Variants in MARCHF1 observed in about 807,000 individuals in gnomAD.
The protein encoded by MARCHF1 is membrane associated ring-CH-type finger 1, also known as E3 ubiquitin-protein ligase MARCHF1.
In MARCHF1, 40 loss-of-function variants were observed where a neutral mutation model predicts 54.2. That is an observed-to-expected ratio of 0.74 (90% confidence interval 0.57 to 0.96). MARCHF1 has a LOEUF of 0.96. Among genes scored for constraint, MARCHF1 ranks in the 40% least tolerant of loss-of-function variants. The pLI is 0.00. For synonymous variants in MARCHF1, 236 were observed against 236.3 expected, an observed-to-expected ratio of 1.00 and a Z score of 0.01; for missense variants, 586 against 656.5, an observed-to-expected ratio of 0.89 and a Z score of 1.17.
intron 9 of MARCHF1, among the ~76,000 whole-genome samples, chr4:163,535,727 G>T (rs1738506453): frequency 6.7e-6 from 1 of 150,358 alleles, no homozygotes; most frequent in Non-Finnish European, 1.5e-5. Context: ...TATGCAGAGA[G>T]TCCATGCATT....
intron 2 of MARCHF1, among the ~76,000 whole-genome samples, chr4:164,105,088 A>G (rs1301311948): frequency 2.8e-5 from 2 of 72,258 alleles, no homozygotes; most frequent in African/African-American, 8.3e-5. Context: ...AAGGAGAACT[A>G]CAAACCACTG....
chr4:164,066,697 A>G (rs1263595162), intron 2 of MARCHF1, among the ~76,000 whole-genome samples: 1 of 152,206 alleles, frequency 6.6e-6, no homozygotes, highest in African/African-American at 2.4e-5. Flanking sequence ...ATAGAAAAAA[A>G]ATGAGATCAT....
intron 1 of MARCHF1, among the ~76,000 whole-genome samples, chr4:164,301,041 A>C (rs1173022976): frequency 1.3e-5 from 2 of 152,110 alleles, no homozygotes; most frequent in Non-Finnish European, 2.9e-5. Flanking sequence ...AGATCTTCGG[A>C]AAGATGCTAT....
chr4:164,062,103 T>C (rs1397002057), intron 2 of MARCHF1, among the ~76,000 whole-genome samples: 2 of 152,224 alleles, frequency 1.3e-5, no homozygotes. Flanking sequence ...TATTGTTGTT[T>C]CAACAAGGTT....
intron 3 of MARCHF1, among the ~76,000 whole-genome samples, chr4:163,928,274 A>C (rs1455276727): frequency 1.3e-5 from 2 of 151,938 alleles, no homozygotes; most frequent in Non-Finnish European, 2.9e-5. Context: ...AGGGATTAAA[A>C]TAAAACAACA....
chr4:164,378,321 G>C (rs1731259785), intron 1 of MARCHF1, among the ~76,000 whole-genome samples: 1 of 152,178 alleles, frequency 6.6e-6, no homozygotes, highest in South Asian at 2.1e-4. Context: ...GCTATGAGGG[G>C]CCAAGAGCTC....
intron 5 of MARCHF1, among the ~76,000 whole-genome samples, chr4:163,615,583 A>T (rs200008511): frequency 1.8e-5 from 1 of 54,372 alleles, no homozygotes; most frequent in Non-Finnish European, 5.2e-5. Flanking sequence ...GAAGAGGAAT[A>T]AAAAAAAATG....
chr4:163,948,337 A>G (rs986985551), intron 3 of MARCHF1, among the ~76,000 whole-genome samples: 2 of 152,220 alleles, frequency 1.3e-5, no homozygotes, highest in African/African-American at 4.8e-5. Flanking sequence ...AAAAGAACAC[A>G]TTTATTCTCA....
chr4:163,907,022 T>G (rs910210003), intron 3 of MARCHF1, among the ~76,000 whole-genome samples: 1 of 152,066 alleles, frequency 6.6e-6, no homozygotes, highest in Non-Finnish European at 1.5e-5. Flanking sequence ...TTTTTAAACC[T>G]TAGTGTCAAA....
chr4:163,904,763 A>C (rs6148763), intron 3 of MARCHF1, among the ~76,000 whole-genome samples: 2 of 151,464 alleles, frequency 1.3e-5, no homozygotes, highest in African/African-American at 4.9e-5. Flanking sequence ...AGGAGAGAGA[A>C]AGAGACAGAG....
At chr4:163,598,978 T>A (rs1740860500) in intron 7 of MARCHF1, among the ~76,000 whole-genome samples, 1 of 152,196 alleles carries the variant, frequency 6.6e-6, no homozygotes, top group East Asian at 1.9e-4. Flanking sequence ...ATTCTTATTT[T>A]ATAAGCTTTT....
intron 3 of MARCHF1, among the ~76,000 whole-genome samples, chr4:163,976,099 T>C (rs1332584906): frequency 1.3e-5 from 2 of 152,196 alleles, no homozygotes; most frequent in Non-Finnish European, 1.5e-5. Flanking sequence ...AGATCCTAGT[T>C]GAAGAACTAG....
At chr4:164,050,338 C>T (rs910573997) in intron 2 of MARCHF1, among the ~76,000 whole-genome samples, 9 of 148,554 alleles carry the variant, frequency 6.1e-5, no homozygotes, top group African/African-American at 2.2e-4. Context: ...TTCATCCTCC[C>T]ACTGCATTCT....
chr4:163,566,321 CT>C (rs1739644887), intron 8 of MARCHF1, among the ~76,000 whole-genome samples: 1 of 152,166 alleles, frequency 6.6e-6, no homozygotes, highest in South Asian at 2.1e-4. Context: ...TTTGTCTTTC[CT>C]GACTTGAAGA....
intron 1 of MARCHF1, among the ~76,000 whole-genome samples, chr4:164,148,223 C>T (rs1729824289): frequency 6.6e-6 from 1 of 151,764 alleles, no homozygotes; most frequent in Non-Finnish European, 1.5e-5. Flanking sequence ...GATATTGGAA[C>T]TACAACTACT....
intron 4 of MARCHF1, among the ~76,000 whole-genome samples, chr4:163,802,635 A>G (rs1244833217): frequency 6.6e-6 from 1 of 152,208 alleles, no homozygotes. Flanking sequence ...GTAACTTTGA[A>G]TGTACATTAG....
intron 2 of MARCHF1, among the ~76,000 whole-genome samples, chr4:164,017,123 T>G (rs1333789729): frequency 6.6e-6 from 1 of 152,002 alleles, no homozygotes; most frequent in Admixed American, 6.6e-5. Flanking sequence ...AATGTATTCC[T>G]TTATACTAAG....
Position 163,612,765 on chromosome 4 carries a change from C to A in MARCHF1, c.516G>T (p.Gln172His). Reference sequence around the variant, plus strand: ...ATTTAACCTGGGCTCTTCTTTTTGCCTGAATCCAATGACTCTCATCTGTGG... The same window carrying A: ...ATTTAACCTGGGCTCTTCTTTTTGCATGAATCCAATGACTCTCATCTGTGG... ...SSSTDESHWI[Q>H]AKRRAQVKFR... Residue 172 changes from glutamine (Q) to histidine (H), a missense_variant, in exon 7 of 10, where the codon CAG becomes CAT. By Grantham distance (24) the Gln-to-His change is conservative. Around this residue, in one of 3 missense-constraint regions of MARCHF1, gnomAD observed 387 missense variants for 394.6 expected, o/e 0.98. Transcript: ENST00000514618. The A allele has an allele frequency of 6.5e-7, 1 of 1,535,364 alleles. No homozygotes were observed. Among genetic ancestry groups the A allele is most frequent in the Non-Finnish European group, 8.7e-7 (1 of 1,146,456 alleles).
In MARCHF1 at chr4:163,525,369, G is replaced by T. The variant is rs1169477005; in HGVS notation, c.*3379C>A. The T allele has an allele frequency of 1.3e-5, 2 of 152,240 alleles. No homozygotes were observed. Among genetic ancestry groups the T allele is most frequent in the South Asian group, 4.1e-4 (2 of 4,828 alleles). 9.4% of individuals were successfully genotyped at this position (152,240 alleles called of 1,614,324 possible). On this transcript the variant is annotated 3_prime_UTR_variant, in exon 10 of 10. Coordinates refer to ENST00000514618, the MANE Select transcript of MARCHF1 (RefSeq NM_001394959.1). ...ATCACGTGTAGAAGCAGCGCAGAGT[G>T]AGATTTAATGCTGGGGTGTTTTGAA...
Sources: gnomAD v4.1 joint callset for allele counts (sites outside exome capture counted in the v4.1 genomes callset) on GRCh38, gnomAD v4.1.1 for gene constraint, gnomAD v4.1.1 regional missense constraint, MANE v1.5 for transcripts, NCBI Gene and HGNC (gene_info 2026-07-23, HGNC 2026-07-21) for gene names.